HNRNPC: variants seen among roughly 807,000 people sequenced by gnomAD.
HNRNPC encodes the protein heterogeneous nuclear ribonucleoprotein C.
In HNRNPC, 3 loss-of-function variants were observed where a neutral mutation model predicts 33.2. That is an observed-to-expected ratio of 0.09 (90% confidence interval 0.04 to 0.23). The LOEUF is 0.23. Among genes scored for constraint, HNRNPC ranks in the 10% least tolerant of loss-of-function variants. The probability of loss-of-function intolerance (pLI) is 1.00; values close to 1 mark genes in which losing one functional copy is unlikely to be tolerated. For missense variants in HNRNPC, 143 were observed against 366.7 expected, an observed-to-expected ratio of 0.39 and a Z score of 4.98; for synonymous variants, 121 against 126.7, an observed-to-expected ratio of 0.96 and a Z score of 0.30.
At chr14:21,233,673 C>T (rs1268130061) in intron 3 of HNRNPC, among the ~76,000 whole-genome samples, 17 of 152,130 alleles carry the variant, frequency 1.1e-4, no homozygotes, top group Admixed American at 1.1e-3. Context: ...AGGACACAAC[C>T]ATTTAGGCAA....
chr14:21,242,545 T>C (rs1895481169), intron 2 of HNRNPC, among the ~76,000 whole-genome samples: 1 of 152,150 alleles, frequency 6.6e-6, no homozygotes, highest in African/African-American at 2.4e-5. Flanking sequence ...TAACACCAAT[T>C]TAACATATGA....
At chr14:21,216,483 G>A (rs915899994) in intron 5 of HNRNPC, among the ~76,000 whole-genome samples, 5 of 152,136 alleles carry the variant, frequency 3.3e-5, no homozygotes, top group African/African-American at 7.2e-5. Context: ...TAAGGCGAGC[G>A]GCTCATTTGA....
At chr14:21,231,206 C>T in intron 3 of HNRNPC, 134 bp from the exon 4 acceptor site, 1 of 821,610 alleles carries the variant, frequency 1.2e-6, no homozygotes, top group South Asian at 1.6e-5. Flanking sequence ...GTCACCTTGG[C>T]TCACTGAAAC....
intron 2 of HNRNPC, among the ~76,000 whole-genome samples, chr14:21,246,448 C>A (rs1174512178): frequency 1.3e-5 from 2 of 151,912 alleles, no homozygotes; most frequent in Admixed American, 1.3e-4. Context: ...TACCTGTAGT[C>A]CCAGCTACTT....
intron 5 of HNRNPC, among the ~76,000 whole-genome samples, chr14:21,228,582 C>CG (rs1566610803): frequency 6.6e-6 from 1 of 151,736 alleles, no homozygotes; most frequent in Non-Finnish European, 1.5e-5. Flanking sequence ...TTAGTAGAGA[C>CG]GGGGTTCCAC....
intron 2 of HNRNPC, 76 bp from the exon 3 acceptor site, chr14:21,234,305 A>C: frequency 7.7e-7 from 1 of 1,304,556 alleles, no homozygotes; most frequent in African/African-American, 1.5e-5. Flanking sequence ...CTCCACTCTC[A>C]CTCTGAATCA....
chr14:21,221,394 T>A (rs946256022), intron 5 of HNRNPC, among the ~76,000 whole-genome samples: 8 of 152,250 alleles, frequency 5.3e-5, no homozygotes, highest in African/African-American at 1.9e-4. Flanking sequence ...ACTAGTCACA[T>A]GTGGCCACTG....
intron 2 of HNRNPC, among the ~76,000 whole-genome samples, chr14:21,252,215 C>T (rs1440051239): frequency 6.6e-6 from 1 of 152,168 alleles, no homozygotes; most frequent in Non-Finnish European, 1.5e-5. Flanking sequence ...AAAGACCCCA[C>T]CAACCATGTT....
At position 21,230,311 on chromosome 14, in the gene HNRNPC, T is replaced by C; in HGVS notation, c.365+8A>G. 1 of 1,592,742 alleles carries C rather than the reference T, an allele frequency of 6.3e-7. No individual in the cohort carries two copies. The highest frequency in any genetic ancestry group is 8.6e-7 in the Non-Finnish European group (1 of 1,161,780). On this transcript the variant is annotated splice_region_variant and intron_variant, in intron 5 of 8. Coordinates refer to ENST00000553300, the MANE Select transcript of HNRNPC (RefSeq NM_004500.4). ...TGTTTAGCAGAAATACAAAACATTT[T>C]AACATACCTATCATAATAGTCCCGT...
At chr14:21,234,591 G>C (rs1407942586) in intron 2 of HNRNPC, among the ~76,000 whole-genome samples, 3 of 152,104 alleles carry the variant, frequency 2.0e-5, no homozygotes, top group Non-Finnish European at 2.9e-5. Flanking sequence ...TCTGACACCA[G>C]TTTCTGCTGT....
chr14:21,245,357 G>A (rs192963248), intron 2 of HNRNPC, among the ~76,000 whole-genome samples: 3 of 152,146 alleles, frequency 2.0e-5, no homozygotes, highest in African/African-American at 4.8e-5. Flanking sequence ...TTAGCCAAGC[G>A]TGGTGGTGCA....
rs779667329 is a variant in HNRNPC at position 21,211,884 on chromosome 14, G to C, written c.563C>G (p.Thr188Ser). The change falls in exon 7 of 9, where the codon ACC (threonine) becomes AGC (serine). Residue 188 changes from threonine (T) to serine (S), a missense_variant. Physicochemically the swap from Thr to Ser is moderately conservative, Grantham distance 58. This residue lies in a region of HNRNPC where 131 missense variants were observed against 253.0 expected (regional missense o/e 0.52). Transcript: ENST00000553300. Reference protein sequence around the residue: ...DDLQAIKKELTQIKQKVDSLL... With the variant: ...DDLQAIKKELSQIKQKVDSLL... ...AGAATCCACTTTTTGTTTTATCTGG[G>C]TCAGCTCCTTCTTAATGGCCTGAAG... The C allele has an allele frequency of 3.1e-6, 5 of 1,613,430 alleles. No homozygotes were observed. In the South Asian group the frequency reaches 5.5e-5, roughly 18 times the overall value.
At chr14:21,226,520 TTACAA>T (rs1157314973) in intron 5 of HNRNPC, among the ~76,000 whole-genome samples, 3 of 151,726 alleles carry the variant, frequency 2.0e-5, no homozygotes, top group African/African-American at 7.3e-5. Flanking sequence ...TTCACTTTTA[TTACAA>T]CACCTTTCGC....
At chr14:21,241,494 TTAAG>T (rs1330700546) in intron 2 of HNRNPC, among the ~76,000 whole-genome samples, 1 of 152,218 alleles carries the variant, frequency 6.6e-6, no homozygotes, top group Non-Finnish European at 1.5e-5. Context: ...TCACAATTTC[TTAAG>T]TTTCTGAATA....
At chr14:21,259,942 G>A (rs571782063) in intron 2 of HNRNPC, among the ~76,000 whole-genome samples, 2 of 149,972 alleles carry the variant, frequency 1.3e-5, no homozygotes, top group Non-Finnish European at 3.0e-5. Flanking sequence ...GCTCACGCCT[G>A]TAATCCCAGC....
At chr14:21,247,572 C>T (rs904797145) in intron 2 of HNRNPC, among the ~76,000 whole-genome samples, 1 of 152,086 alleles carries the variant, frequency 6.6e-6, no homozygotes, top group African/African-American at 2.4e-5. Flanking sequence ...ATTTTTAGCA[C>T]AACTGAGTAT....
chr14:21,210,738 T>C lies in HNRNPC; in HGVS notation c.*485A>G, dbSNP rs1891508321. 1 of 154,188 alleles carries C rather than the reference T, an allele frequency of 6.5e-6. No individual in the cohort carries two copies. Among genetic ancestry groups the C allele is most frequent in the Non-Finnish European group, 1.4e-5 (1 of 69,196 alleles). 9.6% of individuals were successfully genotyped at this position (154,188 alleles called of 1,614,324 possible). On this transcript the variant is annotated 3_prime_UTR_variant, in exon 9 of 9. Coordinates refer to ENST00000553300, the MANE Select transcript of HNRNPC (RefSeq NM_004500.4). Reference sequence around the variant, plus strand: ...AACTCTCATTCACAAAAATACATTGTTACATTTGTGTTGAACTGCCCCACA... The same window carrying C: ...AACTCTCATTCACAAAAATACATTGCTACATTTGTGTTGAACTGCCCCACA...
intron 2 of HNRNPC, among the ~76,000 whole-genome samples, chr14:21,258,675 T>G (rs1373894672): frequency 6.6e-6 from 1 of 152,226 alleles, no homozygotes. Flanking sequence ...CATAAATTAA[T>G]GTCCTGCTAC....
At chr14:21,234,519 T>C (rs935786337) in intron 2 of HNRNPC, among the ~76,000 whole-genome samples, 24 of 152,320 alleles carry the variant, frequency 1.6e-4, no homozygotes, top group African/African-American at 5.5e-4. Flanking sequence ...TATAATTTCC[T>C]TGGACATAAT....
Sources: allele counts gnomAD v4.1 joint callset (sites outside exome capture counted in the v4.1 genomes callset), GRCh38; gene constraint gnomAD v4.1.1; regional missense constraint gnomAD v4.1.1; transcripts MANE v1.5; gene names NCBI Gene and HGNC (gene_info 2026-07-23, HGNC 2026-07-21).